The following MTA3 variants were observed in gnomAD, a reference collection of about 807,000 sequenced individuals.
The protein encoded by MTA3 is metastasis-associated protein MTA3.
In MTA3, 34 loss-of-function variants were observed where a neutral mutation model predicts 83.5. The ratio of observed to expected loss-of-function variants is 0.41; its 90% CI spans 0.31 to 0.54. MTA3 has a LOEUF of 0.54. MTA3 is among the 20% of genes least tolerant of loss of function. MTA3 has a pLI of 0.33. For synonymous variants in MTA3, 303 were observed against 252.7 expected (o/e 1.20, Z -1.89); for missense variants, 761 against 726.4 (o/e 1.05, Z -0.55).
intron 8 of MTA3, among the ~76,000 whole-genome samples, chr2:42,663,116 T>C (rs1352390826): frequency 3.3e-5 from 5 of 152,250 alleles, no homozygotes; most frequent in Admixed American, 2.0e-4. Flanking sequence ...CTATTATTTA[T>C]GTAACCAGTC....
At chr2:42,501,090 A>G (rs1198569592) in intron 2 of MTA3, among the ~76,000 whole-genome samples, 3 of 152,132 alleles carry the variant, frequency 2.0e-5, no homozygotes, top group African/African-American at 7.2e-5. Context: ...GATTACAGGC[A>G]TGAGCCACCG....
intron 6 of MTA3, among the ~76,000 whole-genome samples, chr2:42,650,098 C>A (rs996697006): frequency 1.3e-5 from 2 of 151,986 alleles, no homozygotes; most frequent in Non-Finnish European, 2.9e-5. Context: ...AGTGGATAGT[C>A]GTTAACTTAG....
chr2:42,530,131 G>A (rs1017422281), intron 2 of MTA3, among the ~76,000 whole-genome samples: 1 of 150,406 alleles, frequency 6.6e-6, no homozygotes, highest in Admixed American at 6.7e-5. Context: ...GTTGCAGTGA[G>A]CCAAGATCAT....
chr2:42,584,672 G>A (rs1680055714), intron 3 of MTA3, among the ~76,000 whole-genome samples: 1 of 151,792 alleles, frequency 6.6e-6, no homozygotes, highest in Admixed American at 6.6e-5. Flanking sequence ...ATACCAGCCT[G>A]GACAGCACAG....
In MTA3 at chr2:42,723,986, A is replaced by G. The variant is rs138556722; in HGVS notation, c.1759+951A>G. Among the ~76,000 whole-genome samples the G allele has an allele frequency of 1.2e-4, 18 of 152,304 alleles. No individual in the cohort carries two copies. In the East Asian group the frequency reaches 3.5e-3, roughly 29 times the overall value. Reference sequence around the variant, plus strand: ...ATTGAGTTTGCATTTATAGGTTATCAATGTGTTAAGATATGGTTGTCAAGA... The same window carrying G: ...ATTGAGTTTGCATTTATAGGTTATCGATGTGTTAAGATATGGTTGTCAAGA... On this transcript the variant is annotated intron_variant, in intron 16 of 16. Transcript: ENST00000405094.
chr2:42,519,629 G>C (rs952437634), intron 2 of MTA3, among the ~76,000 whole-genome samples: 1 of 151,488 alleles, frequency 6.6e-6, no homozygotes, highest in African/African-American at 2.4e-5. Context: ...CAAGGAAAGA[G>C]CCAGACATGG....
At chr2:42,697,226 G>T (rs1693470358) in intron 10 of MTA3, among the ~76,000 whole-genome samples, 1 of 152,136 alleles carries the variant, frequency 6.6e-6, no homozygotes, top group Non-Finnish European at 1.5e-5. Context: ...ATTGGTTCCA[G>T]TAGAATATTA....
chr2:42,697,890 G>T (rs1693529480), intron 11 of MTA3, 56 bp downstream of exon 11: 8 of 1,254,974 alleles, frequency 6.4e-6, no homozygotes, highest in Non-Finnish European at 8.7e-6. Flanking sequence ...TATCATTGCA[G>T]AATATGTCAT....
chr2:42,616,158 C>G (rs1684859129), intron 4 of MTA3, among the ~76,000 whole-genome samples: 1 of 152,152 alleles, frequency 6.6e-6, no homozygotes, highest in Admixed American at 6.5e-5. Context: ...CTCCCGGTTT[C>G]AAGCGATTCT....
chr2:42,592,999 A>G (rs529534118), intron 3 of MTA3, among the ~76,000 whole-genome samples: 1 of 151,928 alleles, frequency 6.6e-6, no homozygotes, highest in African/African-American at 2.4e-5. Flanking sequence ...AAAAAATAAC[A>G]AAAGTTAGCT....
chr2:42,667,026 A>G (rs1355601682), intron 8 of MTA3, among the ~76,000 whole-genome samples: 3 of 152,158 alleles, frequency 2.0e-5, no homozygotes, highest in Non-Finnish European at 4.4e-5. Context: ...CACAGTCTGA[A>G]CACTATGAAC....
At chr2:42,716,968 T>C (rs4467324) in intron 14 of MTA3, among the ~76,000 whole-genome samples, 101,079 of 151,982 alleles carry the variant, frequency 0.67, 34,741 homozygotes, top group African/African-American at 0.84. Flanking sequence ...TCTTTTTCTC[T>C]TCAACCTGTT....
chr2:42,596,911 C>CTT (rs911787653), intron 3 of MTA3, among the ~76,000 whole-genome samples: 117 of 148,112 alleles, frequency 7.9e-4, no homozygotes, highest in Non-Finnish European at 2.4e-4. Flanking sequence ...CACAAGTTAT[C>CTT]TTTTTTTTTT....
At chr2:42,745,824 C>CTTTTTTTTTTTTTTT (rs146921280) in intron 16 of MTA3, among the ~76,000 whole-genome samples, 7 of 119,362 alleles carry the variant, frequency 5.9e-5, no homozygotes, top group African/African-American at 1.3e-4. Context: ...AAATAGTCCT[C>CTTTTTTTTTTTTTTT]TTTTTTTTGA....
At chr2:42,514,578 T>C (rs1026880336) in intron 2 of MTA3, among the ~76,000 whole-genome samples, 1 of 151,536 alleles carries the variant, frequency 6.6e-6, no homozygotes, top group Non-Finnish European at 1.5e-5. Flanking sequence ...CAGATGGGGT[T>C]TCACCATGTT....
chr2:42,522,858 G>C (rs1456131134), intron 2 of MTA3, among the ~76,000 whole-genome samples: 2 of 147,404 alleles, frequency 1.4e-5, no homozygotes, highest in Non-Finnish European at 3.0e-5. Flanking sequence ...AGGTAGGCTA[G>C]AGTGCAGTGG....
At chr2:42,637,133 C>A (rs1687280709) in intron 4 of MTA3, among the ~76,000 whole-genome samples, 1 of 152,116 alleles carries the variant, frequency 6.6e-6, no homozygotes, top group Admixed American at 6.5e-5. Context: ...GTCCCAGCAC[C>A]CTGCGCAGTC....
chr2:42,534,885 A>T (rs547100558), intron 2 of MTA3, among the ~76,000 whole-genome samples: 5 of 152,104 alleles, frequency 3.3e-5, no homozygotes, highest in African/African-American at 1.2e-4. Flanking sequence ...GGCCTCCCAA[A>T]GTGCTGGTTT....
intron 2 of MTA3, among the ~76,000 whole-genome samples, chr2:42,503,732 A>G (rs2374430): frequency 0.68 from 103,910 of 151,890 alleles, 36,037 homozygotes; most frequent in Middle Eastern, 0.82. Flanking sequence ...CCTCAAAGCC[A>G]GGTGTGGTAG....
Sources: gnomAD v4.1 joint callset for allele counts (sites outside exome capture counted in the v4.1 genomes callset) on GRCh38, gnomAD v4.1.1 for gene constraint, MANE v1.5 for transcripts, NCBI Gene and HGNC (gene_info 2026-07-23, HGNC 2026-07-21) for gene names.